RCBTB1: variants seen among roughly 807,000 people sequenced by gnomAD.
The protein encoded by RCBTB1 is RCC1 and BTB domain-containing protein 1.
In RCBTB1, 46 loss-of-function variants were observed where a neutral mutation model predicts 62.4. The observed-to-expected ratio is 0.74, with a 90% CI of 0.58 to 0.94. The LOEUF is 0.94. RCBTB1 is among the 40% of genes least tolerant of loss of function. The pLI, the probability that RCBTB1 is intolerant of heterozygous loss-of-function variation, is 0.00. For missense variants in RCBTB1, 565 were observed against 654.9 expected, an observed-to-expected ratio of 0.86 and a Z score of 1.50; for synonymous variants, 222 against 245.8, an observed-to-expected ratio of 0.90 and a Z score of 0.91.
At position 49,544,841 on chromosome 13, in the gene RCBTB1, A is replaced by G; in HGVS notation, c.1068T>C (p.Val356=). The part of the protein sequence containing the change: ...LSVEHEDFLT[V]AESLKKEFDS... Reference sequence around the variant, plus strand: ...CAAATTCTTTCTTCAGTGACTCTGCAACTGTTAAAAAGTCTTCATGCTCTG... The same window carrying G: ...CAAATTCTTTCTTCAGTGACTCTGCGACTGTTAAAAAGTCTTCATGCTCTG... The change falls in exon 10 of 13, where the codon GTT becomes GTC. Residue 356 remains valine (V), a synonymous_variant. Transcript: ENST00000378302. 6.2e-7 allele frequency: 1 copy of G among 1,611,920 alleles called. No homozygotes were observed. Among genetic ancestry groups the G allele is most frequent in the Non-Finnish European group, 8.5e-7 (1 of 1,179,298 alleles).
rs191385569 is a variant in RCBTB1 at position 49,559,837 on chromosome 13, G to T, written c.444+81C>A. On this transcript the variant is annotated intron_variant, in intron 5 of 12. Transcript: ENST00000378302. ...CCACTGAACTATACACTTAAAACTGGTGAAGCTGGTAAATTTTATGTTAAG... is the reference window on the plus strand; with the variant it reads ...CCACTGAACTATACACTTAAAACTGTTGAAGCTGGTAAATTTTATGTTAAG... The T allele has an allele frequency of 8.3e-6, 11 of 1,326,702 alleles. No individual in the cohort carries two copies. In the East Asian group the frequency reaches 2.4e-4, roughly 29 times the overall value. 82.2% of individuals were successfully genotyped at this position (1,326,702 alleles called of 1,614,324 possible).
chr13:49,579,308 C>G (rs1963958354), intron 2 of RCBTB1, among the ~76,000 whole-genome samples: 1 of 152,204 alleles, frequency 6.6e-6, no homozygotes, highest in African/African-American at 2.4e-5. Context: ...CGTCTCTCTT[C>G]TGCAAACACA....
At chr13:49,539,346 G>A (rs1008622582) in intron 12 of RCBTB1, 1 of 152,174 alleles carries the variant, frequency 6.6e-6, no homozygotes, top group Non-Finnish European at 1.5e-5. Flanking sequence ...CTTAATATGA[G>A]AAAAATGAAA....
intron 2 of RCBTB1, among the ~76,000 whole-genome samples, chr13:49,576,316 G>A (rs1963785441): frequency 6.6e-6 from 1 of 150,566 alleles, no homozygotes; most frequent in Non-Finnish European, 1.5e-5. Context: ...TCATTAAAAT[G>A]GTAAATTTTA....
At chr13:49,573,479 G>A (rs1468801649) in intron 2 of RCBTB1, among the ~76,000 whole-genome samples, 5 of 133,704 alleles carry the variant, frequency 3.7e-5, no homozygotes, top group East Asian at 4.2e-4. Context: ...ATGGAGTTTC[G>A]CTCTTGTTGC....
intron 8 of RCBTB1, 169 bp downstream of exon 8, chr13:49,551,155 AGG>A (rs1319474116): frequency 3.6e-6 from 2 of 550,016 alleles, no homozygotes; most frequent in African/African-American, 4.4e-5. Context: ...AGGGGGAAGC[AGG>A]GAGGGAGAAG....
chr13:49,557,652 G>A (rs1962044175), intron 5 of RCBTB1, among the ~76,000 whole-genome samples: 1 of 152,114 alleles, frequency 6.6e-6, no homozygotes, highest in African/African-American at 2.4e-5. Flanking sequence ...GGGTGCGGTA[G>A]CTCACACCTA....
At chr13:49,553,976 A>C (rs1158001738) in intron 6 of RCBTB1, among the ~76,000 whole-genome samples, 1 of 152,244 alleles carries the variant, frequency 6.6e-6, no homozygotes, top group Admixed American at 6.5e-5. Context: ...GCAAAAAATT[A>C]GAAAACTGAC....
intron 5 of RCBTB1, among the ~76,000 whole-genome samples, chr13:49,557,460 C>G (rs1962020006): frequency 6.6e-6 from 1 of 152,048 alleles, no homozygotes; most frequent in South Asian, 2.1e-4. Context: ...ACAAGTGTTA[C>G]AGTACCTACT....
At chr13:49,542,013 G>A (rs1423901484) in intron 10 of RCBTB1, among the ~76,000 whole-genome samples, 186 bp from the exon 11 acceptor site, 5 of 152,052 alleles carry the variant, frequency 3.3e-5, no homozygotes, top group African/African-American at 7.2e-5. Context: ...TCAGGAGTTC[G>A]AGACCAGCCT....
At chr13:49,562,780 T>C (rs1279451853) in intron 4 of RCBTB1, among the ~76,000 whole-genome samples, 108 of 2,024 alleles carry the variant, frequency 0.053, no homozygotes, top group South Asian at 0.13. Context: ...CCCCGGCTTT[T>C]TTTTTTTTTT....
intron 2 of RCBTB1, among the ~76,000 whole-genome samples, chr13:49,571,952 G>A (rs965698429): frequency 2.0e-5 from 3 of 152,142 alleles, no homozygotes; most frequent in Non-Finnish European, 4.4e-5. Context: ...TAAAGCAGGT[G>A]CAATCTAAAA....
intron 10 of RCBTB1, 144 bp downstream of exon 10, chr13:49,544,593 A>G (rs1960653312): frequency 3.4e-6 from 2 of 595,490 alleles, no homozygotes; most frequent in Non-Finnish European, 5.7e-6. Flanking sequence ...CTTTGACATG[A>G]AATGGACTGA....
At chr13:49,557,862 G>GT (rs574623742) in intron 5 of RCBTB1, among the ~76,000 whole-genome samples, 3 of 152,224 alleles carry the variant, frequency 2.0e-5, no homozygotes, top group South Asian at 4.1e-4. Flanking sequence ...CTCCCACAAG[G>GT]TTTTTAGCTA....
At chr13:49,537,247 T>A (rs1275441807) in intron 12 of RCBTB1, among the ~76,000 whole-genome samples, 1 of 152,214 alleles carries the variant, frequency 6.6e-6, no homozygotes, top group Non-Finnish European at 1.5e-5. Flanking sequence ...ACCCCAAAAC[T>A]GTCAGTCTAT....
At chr13:49,570,893 G>A (rs981519160) in intron 2 of RCBTB1, among the ~76,000 whole-genome samples, 2 of 152,202 alleles carry the variant, frequency 1.3e-5, no homozygotes, top group Non-Finnish European at 2.9e-5. Context: ...AGGTCACACA[G>A]CAGACCCCTC....
chr13:49,545,133 A>G (rs746218573), intron 9 of RCBTB1, among the ~76,000 whole-genome samples: 1 of 152,174 alleles, frequency 6.6e-6, no homozygotes, highest in Non-Finnish European at 1.5e-5. Context: ...TATATTTTTA[A>G]AGAAAAAAAT....
intron 4 of RCBTB1, among the ~76,000 whole-genome samples, chr13:49,564,583 C>CAAAAAAAAAAAAAA (rs10710755): frequency 5.1e-5 from 2 of 39,320 alleles, no homozygotes; most frequent in African/African-American, 2.5e-4. Context: ...GACTCCTTCT[C>CAAAAAAAAAAAAAA]AAAAAAAAAA....
chr13:49,566,256 A>AT lies in RCBTB1; in HGVS notation c.277+361dup, dbSNP rs1308129201. Among the ~76,000 whole-genome samples the AT allele has an allele frequency of 4.1e-4, 55 of 133,476 alleles. No individual in the cohort carries two copies. The East Asian group carries it at 7.9e-3, about 19-fold the overall frequency. 87.6% of individuals were successfully genotyped at this position (133,476 alleles called of 152,430 possible). A position where few individuals can be genotyped will look rare whatever the true frequency, so the allele number is the denominator to read the frequency against. ...TGCGAGAAACACCCAAGAATGATCA[A>AT]TAAAAAAATAAAATAAAATAAATAA... On this transcript the variant is annotated intron_variant, in intron 4 of 12. Transcript: ENST00000378302.
Sources: gnomAD v4.1 joint callset for allele counts (sites outside exome capture counted in the v4.1 genomes callset) on GRCh38, gnomAD v4.1.1 for gene constraint, MANE v1.5 for transcripts, NCBI Gene and HGNC (gene_info 2026-07-23, HGNC 2026-07-21) for gene names.